CDCP1: variants seen among roughly 807,000 people sequenced by gnomAD.
CDCP1 encodes CUB domain-containing protein 1.
A neutral mutation model predicts 60.2 loss-of-function variants in CDCP1; 29 were observed. The ratio of observed to expected loss-of-function variants is 0.48; its 90% CI spans 0.36 to 0.66. The LOEUF is 0.66. Ranked by LOEUF, CDCP1 falls within the 30% of genes least tolerant of loss-of-function variation. CDCP1 has a pLI of 0.00. For missense variants in CDCP1, 876 were observed against 1,074.3 expected, an observed-to-expected ratio of 0.82 and a Z score of 2.58; for synonymous variants, 387 against 431.1, an observed-to-expected ratio of 0.90 and a Z score of 1.27.
At chr3:45,132,551 C>A (rs1020759502) in intron 1 of CDCP1, among the ~76,000 whole-genome samples, 1 of 148,266 alleles carries the variant, frequency 6.7e-6, no homozygotes, top group South Asian at 2.2e-4. Flanking sequence ...ACCTGTTCTG[C>A]GGCCCCCATC....
rs569457808 is a variant in CDCP1 at position 45,087,374 on chromosome 3, G to C, written c.2082-1307C>G. ...AGGCCTGTAGCAAGGCTGGACTGACGATTCTCAGGCTTAAACTGGCGCTGT... is the reference window on the plus strand; with the variant it reads ...AGGCCTGTAGCAAGGCTGGACTGACCATTCTCAGGCTTAAACTGGCGCTGT... On this transcript the variant is annotated intron_variant, in intron 8 of 8. Transcript: ENST00000296129. Among the ~76,000 whole-genome samples, 40 of 152,302 alleles carry C rather than the reference G, an allele frequency of 2.6e-4. No individual in the cohort carries two copies. In the South Asian group the frequency reaches 8.1e-3, roughly 31 times the overall value.
intron 4 of CDCP1, among the ~76,000 whole-genome samples, chr3:45,102,911 C>T (rs1261195304): frequency 1.3e-5 from 2 of 151,922 alleles, no homozygotes; most frequent in Non-Finnish European, 2.9e-5. Flanking sequence ...ATATGCCTGC[C>T]TCGGCCTCCC....
chr3:45,133,961 A>G (rs1398748404), intron 1 of CDCP1, among the ~76,000 whole-genome samples: 1 of 152,020 alleles, frequency 6.6e-6, no homozygotes, highest in Non-Finnish European at 1.5e-5. Context: ...CCTCTGCTTC[A>G]CTGTGGTCTG....
chr3:45,097,609 G>A (rs6775113), intron 4 of CDCP1, among the ~76,000 whole-genome samples: 119,918 of 152,012 alleles, frequency 0.79, 48,157 homozygotes, highest in East Asian at 0.97. Flanking sequence ...CATCAGCGCC[G>A]GCGAATGAGT....
At chr3:45,097,242 G>A (rs1439257834) in intron 4 of CDCP1, among the ~76,000 whole-genome samples, 2 of 151,834 alleles carry the variant, frequency 1.3e-5, no homozygotes, top group African/African-American at 4.8e-5. Context: ...AGGAGGTGGA[G>A]GTTGCAGTGA....
intron 4 of CDCP1, among the ~76,000 whole-genome samples, chr3:45,108,786 T>TATTTTTTTTTTTTTTTTTTTTTGAG (rs1698621953): frequency 4.8e-5 from 3 of 62,168 alleles, no homozygotes; most frequent in Middle Eastern, 8.8e-3. Context: ...TATACATATA[T>TATTTTTTTTTTTTTTTTTTTTTGAG]ATGCATGTAT....
chr3:45,141,026 C>T (rs913195259), intron 1 of CDCP1, among the ~76,000 whole-genome samples: 2 of 152,112 alleles, frequency 1.3e-5, no homozygotes, highest in Non-Finnish European at 2.9e-5. Context: ...CATGGTGAAA[C>T]CCCACCTCTA....
intron 1 of CDCP1, among the ~76,000 whole-genome samples, chr3:45,143,137 G>A (rs1031937079): frequency 2.0e-5 from 3 of 152,208 alleles, no homozygotes; most frequent in African/African-American, 7.2e-5. Flanking sequence ...CTGGGAGACG[G>A]AGGTTGCAGT....
At chr3:45,129,220 T>A (rs1027822333) in intron 1 of CDCP1, among the ~76,000 whole-genome samples, 1 of 152,234 alleles carries the variant, frequency 6.6e-6, no homozygotes, top group Non-Finnish European at 1.5e-5. Flanking sequence ...TGGGTCACAG[T>A]CTATATCACA....
intron 4 of CDCP1, among the ~76,000 whole-genome samples, chr3:45,108,430 G>A (rs1388777775): frequency 2.6e-5 from 4 of 152,132 alleles, no homozygotes; most frequent in African/African-American, 4.8e-5. Flanking sequence ...CCTTCTTGAT[G>A]CTGTTTATAG....
intron 4 of CDCP1, among the ~76,000 whole-genome samples, chr3:45,102,711 C>T (rs751427113): frequency 4.6e-5 from 7 of 151,872 alleles, no homozygotes; most frequent in Non-Finnish European, 8.8e-5. Flanking sequence ...TCAACTCTGT[C>T]ACCCAGGCTG....
chr3:45,095,053 C>T (rs1698373266), intron 5 of CDCP1, among the ~76,000 whole-genome samples: 1 of 151,966 alleles, frequency 6.6e-6, no homozygotes, highest in Non-Finnish European at 1.5e-5. Flanking sequence ...CCTGCTTCAG[C>T]CTTCTGAGCA....
intron 1 of CDCP1, among the ~76,000 whole-genome samples, chr3:45,126,723 G>A (rs1438005113): frequency 1.3e-5 from 2 of 152,086 alleles, no homozygotes; most frequent in Non-Finnish European, 2.9e-5. Context: ...TAGACACCAG[G>A]CCTGTCTAAA....
At chr3:45,094,129 T>C (rs371847240) in intron 5 of CDCP1, among the ~76,000 whole-genome samples, 3 of 152,178 alleles carry the variant, frequency 2.0e-5, no homozygotes, top group Admixed American at 6.5e-5. Flanking sequence ...ACTTTGCCTC[T>C]TGTGGCCTTA....
intron 4 of CDCP1, among the ~76,000 whole-genome samples, chr3:45,103,875 T>G (rs1307878375): frequency 6.6e-6 from 1 of 152,226 alleles, no homozygotes; most frequent in Non-Finnish European, 1.5e-5. Flanking sequence ...AATAAATCTC[T>G]TTTCTTTATA....
rs1441859868 is a variant in CDCP1, at chr3:45,123,935, T to A, written c.83-5314A>T. Among the ~76,000 whole-genome samples, 3 of 152,226 alleles carry A rather than the reference T, an allele frequency of 2.0e-5. No individual in the cohort carries two copies. In the East Asian group the frequency reaches 5.8e-4, roughly 29 times the overall value. On this transcript the variant is annotated intron_variant, in intron 1 of 8. Coordinates refer to ENST00000296129, the MANE Select transcript of CDCP1 (RefSeq NM_022842.5). ...AGAGCAGTGCATGGGCTCCTGGGCT[T>A]AGGGCATTTGGAAAAGCTTACAAGG...
intron 8 of CDCP1, among the ~76,000 whole-genome samples, chr3:45,086,316 G>A (rs1387294888): frequency 1.3e-5 from 2 of 152,108 alleles, no homozygotes; most frequent in South Asian, 2.1e-4. Context: ...GTTTAGAGAG[G>A]GCACCTCTAT....
At chr3:45,137,075 C>T (rs1405575307) in intron 1 of CDCP1, among the ~76,000 whole-genome samples, 1 of 152,080 alleles carries the variant, frequency 6.6e-6, no homozygotes, top group Non-Finnish European at 1.5e-5. Flanking sequence ...TAAAGTAAAA[C>T]AAAATGTAAA....
In CDCP1 at chr3:45,082,288, C is replaced by T. The variant is rs1698116313; in HGVS notation, c.*3350G>A. ...TTGAAAACCAGTGGTGGCGAGACTCCAAGACTATTATTTTTATTTCCGGAC... is the reference window on the plus strand; with the variant it reads ...TTGAAAACCAGTGGTGGCGAGACTCTAAGACTATTATTTTTATTTCCGGAC... On this transcript the variant is annotated 3_prime_UTR_variant, in exon 9 of 9. Transcript: ENST00000296129. The T allele has an allele frequency of 6.6e-6, 1 of 152,146 alleles. No homozygotes were observed. Among genetic ancestry groups the T allele is most frequent in the African/African-American group, 2.4e-5 (1 of 41,390 alleles). The allele number at this position is 152,146 out of a possible 1,614,324, so 9.4% of individuals were successfully genotyped here.
Sources: allele counts gnomAD v4.1 joint callset (sites outside exome capture counted in the v4.1 genomes callset), GRCh38; gene constraint gnomAD v4.1.1; transcripts MANE v1.5; gene names NCBI Gene and HGNC (gene_info 2026-07-23, HGNC 2026-07-21).